NUP153: variants seen among roughly 807,000 people sequenced by gnomAD.
The protein encoded by NUP153 is nucleoporin 153.
NUP153 carries 27 observed loss-of-function variants against 134.6 expected under a neutral mutation model. The observed-to-expected ratio is 0.20, with a 90% CI of 0.15 to 0.28. The LOEUF is 0.28. NUP153 is among the 10% of genes least tolerant of loss of function. NUP153 has a pLI of 1.00. For synonymous variants in NUP153, 640 were observed against 623.5 expected (o/e 1.03, Z -0.40); for missense variants, 1,821 against 1,731.3 (o/e 1.05, Z -0.92).
chr6:17,673,482 TTAA>T (rs1365407270), intron 5 of NUP153, among the ~76,000 whole-genome samples: 1 of 152,260 alleles, frequency 6.6e-6, no homozygotes, highest in South Asian at 2.1e-4. Context: ...TCAAAATTTA[TTAA>T]TAAGAAAATA....
chr6:17,629,488 T>C lies in NUP153; in HGVS notation c.2711A>G (p.Lys904Arg). The change falls in exon 18 of 22, where the codon AAA becomes AGA. Residue 904 changes from lysine (K) to arginine (R), a missense_variant. Coordinates refer to ENST00000262077, the MANE Select transcript of NUP153 (RefSeq NM_005124.4). ...SSNSAASSSF[K>R]FGVSSSSSGP... is the part of the protein sequence containing the mutation. ...AGAAGAGGATGATGAGACACCAAAT[T>C]TGAAGGATGAGGAGGCTGCTGAGTT... 6 of 1,607,758 alleles carry C rather than the reference T, an allele frequency of 3.7e-6. No individual in the cohort carries two copies. Among genetic ancestry groups the C allele is most frequent in the Non-Finnish European group, 5.1e-6 (6 of 1,178,564 alleles).
At chr6:17,621,442 C>T (rs969498525) in intron 20 of NUP153, among the ~76,000 whole-genome samples, 2 of 152,122 alleles carry the variant, frequency 1.3e-5, no homozygotes, top group Non-Finnish European at 2.9e-5. Context: ...AGCCAAGATA[C>T]GGAATCAATC....
At chr6:17,684,312 T>C (rs1768783206) in intron 2 of NUP153, among the ~76,000 whole-genome samples, 1 of 152,224 alleles carries the variant, frequency 6.6e-6, no homozygotes. Flanking sequence ...ACATCAGCAC[T>C]TGTTGCTTCA....
chr6:17,665,442 T>C, intron 8 of NUP153, 57 bp from the exon 9 acceptor site: 1 of 1,454,744 alleles, frequency 6.9e-7, no homozygotes, highest in Non-Finnish European at 9.4e-7. Context: ...ATGATTCATA[T>C]CTAAATTTTG....
At chr6:17,634,334 G>A (rs1404351615) in intron 16 of NUP153, among the ~76,000 whole-genome samples, 2 of 152,088 alleles carry the variant, frequency 1.3e-5, no homozygotes, top group Non-Finnish European at 2.9e-5. Context: ...GCCATCTTGA[G>A]TGAACACACT....
At position 17,636,264 on chromosome 6, in the gene NUP153, G is replaced by A. The variant is rs138680691; in HGVS notation, c.2464+889C>T. On this transcript the variant is annotated intron_variant, in intron 16 of 21. Transcript: ENST00000262077. ...GCACAAGAATTGCATGCATCTGGGA[G>A]ATGGAGGTCTCAGTGAGCCAAGATT... Among the ~76,000 whole-genome samples, 3 of 151,162 alleles carry A rather than the reference G, an allele frequency of 2.0e-5. No individual in the cohort carries two copies. The East Asian group carries it at 5.8e-4, about 29-fold the overall frequency.
In NUP153 at chr6:17,646,052, GA is replaced by G; in HGVS notation, c.1720+14del. The G allele has an allele frequency of 7.8e-7, 1 of 1,281,980 alleles. No homozygotes were observed. Among genetic ancestry groups the G allele is most frequent in the Non-Finnish European group, 1.1e-6 (1 of 894,298 alleles). 79.4% of individuals were successfully genotyped at this position (1,281,980 alleles called of 1,614,324 possible). ...CAATTGTTTGTATGTTAAAATGTAA[GA>G]AATTTTTACTTACCTGAACTACTTA... On this transcript the variant is annotated intron_variant, in intron 14 of 21. Transcript: ENST00000262077.
intron 1 of NUP153, among the ~76,000 whole-genome samples, chr6:17,692,532 AAGG>A (rs2113855293): frequency 6.6e-6 from 1 of 152,280 alleles, no homozygotes; most frequent in South Asian, 2.1e-4. Context: ...GACAAAAAGA[AAGG>A]AGGGAGGATG....
intron 2 of NUP153, among the ~76,000 whole-genome samples, chr6:17,683,149 C>A (rs530784960): frequency 2.2e-4 from 34 of 152,204 alleles, no homozygotes; most frequent in South Asian, 8.3e-4. Context: ...TCTCTAAACT[C>A]CTATTCATGT....
chr6:17,661,321 G>A (rs1767162829), intron 11 of NUP153, among the ~76,000 whole-genome samples: 1 of 152,068 alleles, frequency 6.6e-6, no homozygotes, highest in Non-Finnish European at 1.5e-5. Flanking sequence ...CTTAAAAAAA[G>A]AAGAATACGT....
intron 8 of NUP153, among the ~76,000 whole-genome samples, chr6:17,668,757 C>T (rs1581733129): frequency 1.3e-5 from 2 of 151,832 alleles, no homozygotes; most frequent in East Asian, 2.0e-4. Context: ...GCACGAGAAT[C>T]GCTTGAACCT....
At chr6:17,698,716 C>T (rs762104821) in intron 1 of NUP153, among the ~76,000 whole-genome samples, 41 of 137,888 alleles carry the variant, frequency 3.0e-4, no homozygotes, top group Admixed American at 6.3e-4. Flanking sequence ...CCAGCTTGGG[C>T]GACAGAGCAA....
chr6:17,619,691 T>G (rs1038657249), intron 20 of NUP153: 1 of 152,210 alleles, frequency 6.6e-6, no homozygotes, highest in Non-Finnish European at 1.5e-5. Flanking sequence ...AAAGACATCC[T>G]ATATTCATGG....
chr6:17,637,515 T>C lies in NUP153; in HGVS notation c.2102A>G (p.Asn701Ser). 6.2e-7 allele frequency: 1 copy of C among 1,614,230 alleles called. No homozygotes were observed. The highest frequency in any genetic ancestry group is 8.5e-7 in the Non-Finnish European group (1 of 1,180,042). The change falls in exon 16 of 22, where the codon AAT becomes AGT. Residue 701 changes from asparagine to serine, a missense_variant. Physicochemically the swap from Asn to Ser is conservative, Grantham distance 46. Coordinates refer to ENST00000262077, the MANE Select transcript of NUP153 (RefSeq NM_005124.4). ...AGAAAGAGTTGTTTTGCCACTTTTA[T>C]TTGGTGTTTCAATTCCAGTCTGTTT... is the stretch of plus-strand genomic sequence containing the variant. The part of the protein sequence containing the change: ...TAKQTGIETP[N>S]KSGKTTLSAS...
At chr6:17,626,428 G>A (rs1448097709) in intron 18 of NUP153, among the ~76,000 whole-genome samples, 2 of 152,132 alleles carry the variant, frequency 1.3e-5, no homozygotes, top group Admixed American at 6.5e-5. Context: ...AATACACCTC[G>A]AATCCAAATC....
At chr6:17,666,900 C>G (rs1333002871) in intron 8 of NUP153, among the ~76,000 whole-genome samples, 1 of 152,224 alleles carries the variant, frequency 6.6e-6, no homozygotes, top group African/African-American at 2.4e-5. Context: ...GTTACTAACT[C>G]TTCCCTAAAA....
chr6:17,668,161 C>T lies in NUP153; in HGVS notation c.1068+814G>A, dbSNP rs533503418. ...CGCGGCCTCGGCTCACTGCACCCTC[C>T]GCCTCCCGGGTTCAAGTGATTCTCC... is the stretch of plus-strand genomic sequence containing the variant. On this transcript the variant is annotated intron_variant, in intron 8 of 21. Transcript: ENST00000262077. Among the ~76,000 whole-genome samples, 817 of 150,724 alleles carry T rather than the reference C, an allele frequency of 5.4e-3. 3 individuals carry two copies. Among genetic ancestry groups the T allele is most frequent in the Non-Finnish European group, 8.6e-3 (582 of 67,722 alleles).
In NUP153 at chr6:17,657,052, A is replaced by C. The variant is rs78792225; in HGVS notation, c.1395+4601T>G. Among the ~76,000 whole-genome samples, 166 of 152,246 alleles carry C rather than the reference A, an allele frequency of 1.1e-3. 1 individual carries two copies. The highest frequency in any genetic ancestry group is 3.9e-3 in the African/African-American group (164 of 41,558). ...ATACCTGTTAGCCACTGATTTCTTT[A>C]ATTCTTTGGAGCATGGCTTCACCTT... On this transcript the variant is annotated intron_variant, in intron 11 of 21. Coordinates refer to ENST00000262077, the MANE Select transcript of NUP153 (RefSeq NM_005124.4).
chr6:17,668,128 T>G (rs1409804202), intron 8 of NUP153, among the ~76,000 whole-genome samples: 1 of 143,430 alleles, frequency 7.0e-6, no homozygotes, highest in Non-Finnish European at 1.5e-5. Context: ...CAGGCTGGAG[T>G]GCAGTGGCGC....
Sources: allele counts gnomAD v4.1 joint callset (sites outside exome capture counted in the v4.1 genomes callset), GRCh38; gene constraint gnomAD v4.1.1; transcripts MANE v1.5; gene names NCBI Gene and HGNC (gene_info 2026-07-23, HGNC 2026-07-21).